COL17A1: variants seen among roughly 807,000 people sequenced by gnomAD.
COL17A1 encodes the protein collagen alpha-1(XVII) chain.
In COL17A1, 181 loss-of-function variants were observed where a neutral mutation model predicts 218.4. That is an observed-to-expected ratio of 0.83 (90% CI 0.73 to 0.94). The LOEUF (loss-of-function observed/expected upper bound fraction) is 0.94. Among genes scored for constraint, COL17A1 ranks in the 40% least tolerant of loss-of-function variants. COL17A1 has a pLI of 0.00. For missense variants in COL17A1, 1,924 were observed against 1,945.9 expected (o/e 0.99, Z 0.21); for synonymous variants, 721 against 731.0 (o/e 0.99, Z 0.22).
chr10:104,033,914 C>G, intron 52 of COL17A1, 31 bp downstream of exon 52: 2 of 1,614,032 alleles, frequency 1.2e-6, no homozygotes, highest in Non-Finnish European at 1.7e-6. Flanking sequence ...CTCCTTCCCC[C>G]CAGCACCAAG....
At chr10:104,055,646 A>T in intron 18 of COL17A1, 136 bp downstream of exon 18, 1 of 1,282,138 alleles carries the variant, frequency 7.8e-7, no homozygotes, top group South Asian at 1.3e-5. Flanking sequence ...TCTCAGCGCT[A>T]TTGAGAGGAT....
chr10:104,046,103 C>T (rs2086406566), intron 32 of COL17A1, among the ~76,000 whole-genome samples: 1 of 152,202 alleles, frequency 6.6e-6, no homozygotes, highest in Non-Finnish European at 1.5e-5. Context: ...CTCTGTCTCC[C>T]TTCTCCCCTG....
chr10:104,071,362 C>A (rs1359172468), intron 8 of COL17A1, among the ~76,000 whole-genome samples: 2 of 152,188 alleles, frequency 1.3e-5, no homozygotes, highest in South Asian at 2.1e-4. Flanking sequence ...TCTGGACAAG[C>A]ACCCATCTCT....
In COL17A1 at chr10:104,041,355, G is replaced by A; in HGVS notation, c.2606-11C>T. ...CTGGAATGGAAGGCCCTGCAGAAGAGAGCAAGGAAGAGGCCATGCTGAGCT... is the reference window on the plus strand; with the variant it reads ...CTGGAATGGAAGGCCCTGCAGAAGAAAGCAAGGAAGAGGCCATGCTGAGCT... On this transcript the variant is annotated splice_polypyrimidine_tract_variant and intron_variant, in intron 37 of 55. Coordinates refer to ENST00000648076, the MANE Select transcript of COL17A1 (RefSeq NM_000494.4). The A allele has an allele frequency of 6.2e-7, 1 of 1,610,268 alleles. No homozygotes were observed. Among genetic ancestry groups the A allele is most frequent in the Non-Finnish European group, 8.5e-7 (1 of 1,178,490 alleles).
intron 32 of COL17A1, among the ~76,000 whole-genome samples, 153 bp downstream of exon 32, chr10:104,046,594 A>G (rs2086412305): frequency 1.3e-5 from 2 of 152,158 alleles, no homozygotes; most frequent in Admixed American, 1.3e-4. Flanking sequence ...TTTCCTTCCT[A>G]AGGTGCTTCT....
chr10:104,051,257 C>A (rs564832489), intron 25 of COL17A1, among the ~76,000 whole-genome samples: 160 of 152,308 alleles, frequency 1.1e-3, no homozygotes, highest in African/African-American at 3.7e-3. Context: ...GCTGAAGCTG[C>A]TGGAGGGTCT....
intron 50 of COL17A1, 66 bp downstream of exon 50, chr10:104,035,197 C>A (rs2086263531): frequency 1.5e-6 from 2 of 1,364,340 alleles, no homozygotes; most frequent in Admixed American, 3.8e-5. Flanking sequence ...CTTGCTAAAG[C>A]CCATGGGAGC....
intron 8 of COL17A1, among the ~76,000 whole-genome samples, chr10:104,071,365 C>T (rs2086668083): frequency 6.6e-6 from 1 of 152,122 alleles, no homozygotes; most frequent in South Asian, 2.1e-4. Flanking sequence ...GGACAAGCAC[C>T]CATCTCTGTC....
At chr10:104,062,755 C>T (rs1252215925) in intron 11 of COL17A1, among the ~76,000 whole-genome samples, 2 of 152,200 alleles carry the variant, frequency 1.3e-5, no homozygotes, top group Admixed American at 1.3e-4. Context: ...TGGCAGACTC[C>T]TAGTATTCCC....
At chr10:104,054,940 C>T in intron 20 of COL17A1, 41 bp downstream of exon 20, 1 of 1,613,938 alleles carries the variant, frequency 6.2e-7, no homozygotes, top group Non-Finnish European at 8.5e-7. Context: ...ACAATTAACA[C>T]TTGCTAATAT....
chr10:104,045,277 T>A (rs1206709504), intron 33 of COL17A1, among the ~76,000 whole-genome samples: 1 of 152,158 alleles, frequency 6.6e-6, no homozygotes, highest in African/African-American at 2.4e-5. Flanking sequence ...CCTCTCTGCC[T>A]GTACTAAAGC....
intron 40 of COL17A1, 45 bp downstream of exon 40, chr10:104,040,304 CAG>C: frequency 7.4e-7 from 1 of 1,349,046 alleles, no homozygotes; most frequent in Non-Finnish European, 1.1e-6. Flanking sequence ...AGCAGGTAAA[CAG>C]AGGACACATA....
rs749771671 is a variant in COL17A1 at position 104,034,706 on chromosome 10, C to A, written c.3681G>T (p.Gly1227=). The A allele has an allele frequency of 3.1e-6, 5 of 1,610,592 alleles. No individual in the cohort carries two copies. Among genetic ancestry groups the A allele is most frequent in the Non-Finnish European group, 4.2e-6 (5 of 1,178,936 alleles). The change falls in exon 51 of 56, where the codon GGG becomes GGT. Residue 1227 remains glycine, a synonymous_variant. Transcript: ENST00000648076. ...PGPPGPPGPR[G]PPGVSGALAT... ...CCAGGGCTCCTGAGACACCCGGGGGCCCTCGAGGCCCTGGGGGACCAGGAG... is the reference window on the plus strand; with the variant it reads ...CCAGGGCTCCTGAGACACCCGGGGGACCTCGAGGCCCTGGGGGACCAGGAG...
rs76460201 is a variant in COL17A1, at chr10:104,068,534, C to G, written c.607+1892G>C. Among the ~76,000 whole-genome samples, 943 of 152,330 alleles carry G rather than the reference C, an allele frequency of 6.2e-3. 14 individuals are homozygous for G. The highest frequency in any genetic ancestry group is 0.021 in the African/African-American group (880 of 41,576). On this transcript the variant is annotated intron_variant, in intron 9 of 55. Coordinates refer to ENST00000648076, the MANE Select transcript of COL17A1 (RefSeq NM_000494.4). ...AATTACATGCTCTTAACCAGGCCCTCAAGCTTCTAGAAGGCCAAGAAGGCA... is the reference window on the plus strand; with the variant it reads ...AATTACATGCTCTTAACCAGGCCCTGAAGCTTCTAGAAGGCCAAGAAGGCA...
In COL17A1 at chr10:104,045,739, C is replaced by T. The variant is rs813944; in HGVS notation, c.2398+19G>A. ...ATGGCCAGTGAAAAGAAAGAAATCTCATTTGGAAATTCACTTACCTTTTAT... is the reference window on the plus strand; with the variant it reads ...ATGGCCAGTGAAAAGAAAGAAATCTTATTTGGAAATTCACTTACCTTTTAT... On this transcript the variant is annotated intron_variant, in intron 33 of 55. Transcript: ENST00000648076. 0.51 allele frequency: 817,218 copies of T among 1,597,748 alleles called. 213,734 individuals are homozygous for T. The highest frequency in any genetic ancestry group is 0.68 in the East Asian group (30,391 of 44,790).
chr10:104,078,692 C>T (rs762602046), intron 2 of COL17A1, 106 bp from the exon 3 acceptor site: 21 of 1,475,592 alleles, frequency 1.4e-5, no homozygotes, highest in African/African-American at 7.0e-5. Flanking sequence ...AAATTAGGTT[C>T]GACATTGATT....
At chr10:104,049,521 C>T in intron 28 of COL17A1, 50 bp from the exon 29 acceptor site, 1 of 1,585,108 alleles carries the variant, frequency 6.3e-7, no homozygotes, top group East Asian at 2.2e-5. Flanking sequence ...GCTGTGTATG[C>T]TTTAACAATG....
At chr10:104,054,263 A>G (rs757098722) in intron 20 of COL17A1, 145 bp from the exon 21 acceptor site, 11 of 781,658 alleles carry the variant, frequency 1.4e-5, no homozygotes, top group Non-Finnish European at 2.2e-5. Flanking sequence ...TTGCAGATAA[A>G]CAACACATAG....
rs543835020 is a variant in COL17A1, at chr10:104,043,511, TGGAGGTCCTGGGGGTCCCATGGCTCCA to T, written c.2478_2504del (p.Met829_Ala837del). 1,544 of 1,613,800 alleles carry T rather than the reference TGGAGGTCCTGGGGGTCCCATGGCTCCA, an allele frequency of 9.6e-4. 31 individuals are homozygous for T. The South Asian group carries it at 0.016, about 17-fold the overall frequency. On this transcript the variant is annotated inframe_deletion, in exon 35 of 56. Transcript: ENST00000648076. ...AGAAAATAGACTGACCTGGGGCACC[TGGAGGTCCTGGGGGTCCCATGGCTCCA>T]GGAGGTCCTGGGGGGCCTGGGACAG...
Sources: gnomAD v4.1 joint callset for allele counts (sites outside exome capture counted in the v4.1 genomes callset) on GRCh38, gnomAD v4.1.1 for gene constraint, MANE v1.5 for transcripts, NCBI Gene and HGNC (gene_info 2026-07-23, HGNC 2026-07-21) for gene names.